RASSF3: variants seen among roughly 807,000 people sequenced by gnomAD.
RASSF3 encodes Ras association domain family member 3, also known as ras association domain-containing protein 3.
In RASSF3, 19 loss-of-function variants were observed where a neutral mutation model predicts 19.9. The observed-to-expected ratio is 0.96, with a 90% CI of 0.67 to 1.40. The LOEUF is 1.40. RASSF3 is among the 40% of genes most tolerant of loss of function. The pLI, the probability that RASSF3 is intolerant of heterozygous loss-of-function variation, is 0.00. For synonymous variants in RASSF3, 110 were observed against 104.2 expected (o/e 1.06, Z -0.34); for missense variants, 306 against 289.8 (o/e 1.06, Z -0.41).
intron 1 of RASSF3, among the ~76,000 whole-genome samples, chr12:64,635,307 C>T (rs997916703): frequency 6.6e-6 from 1 of 152,110 alleles, no homozygotes; most frequent in African/African-American, 2.4e-5. Flanking sequence ...CCCCTCGTAT[C>T]TGTATTCCTG....
intron 2 of RASSF3, among the ~76,000 whole-genome samples, chr12:64,575,020 C>T (rs1869573320): frequency 6.6e-6 from 1 of 152,138 alleles, no homozygotes; most frequent in Non-Finnish European, 1.5e-5. Flanking sequence ...TTGCCTGCTA[C>T]CACTTCTATT....
At position 64,660,208 on chromosome 12, in the gene RASSF3, GT is replaced by G. The variant is rs1341665157; in HGVS notation, c.112-24578del. Among the ~76,000 whole-genome samples, 6 of 152,050 alleles carry G rather than the reference GT, an allele frequency of 3.9e-5. No homozygotes were observed. In the East Asian group the frequency reaches 1.2e-3, roughly 29 times the overall value. On this transcript the variant is annotated intron_variant, in intron 1 of 4. Transcript: ENST00000542104. Reference sequence around the variant, plus strand: ...GCTAGGATTACAAGTGTGAGCTACTGTGCCCATCCTGAAATGCTAATAATTA... The same window carrying G: ...GCTAGGATTACAAGTGTGAGCTACTGGCCCATCCTGAAATGCTAATAATTA...
intron 1 of RASSF3, among the ~76,000 whole-genome samples, chr12:64,668,275 T>C (rs1328097289): frequency 3.9e-5 from 6 of 152,134 alleles, no homozygotes; most frequent in African/African-American, 1.4e-4. Flanking sequence ...CTTCTTCTTT[T>C]TTTTTTTTTC....
chr12:64,627,611 A>G (rs1248585060), intron 1 of RASSF3, among the ~76,000 whole-genome samples: 2 of 152,172 alleles, frequency 1.3e-5, no homozygotes, highest in African/African-American at 4.8e-5. Context: ...TTTTCATCTG[A>G]TCAGACTTGT....
At chr12:64,552,359 G>A (rs1869179234) in intron 2 of RASSF3, among the ~76,000 whole-genome samples, 2 of 151,810 alleles carry the variant, frequency 1.3e-5, no homozygotes, top group Non-Finnish European at 2.9e-5. Flanking sequence ...AGGTACATGT[G>A]CAGGATAAAT....
chr12:64,639,684 C>T (rs916833641), intron 1 of RASSF3, among the ~76,000 whole-genome samples: 3 of 152,154 alleles, frequency 2.0e-5, no homozygotes, highest in Non-Finnish European at 4.4e-5. Flanking sequence ...TTTGTGGTTT[C>T]CAAGATACCT....
chr12:64,557,703 G>A (rs756666354), intron 2 of RASSF3, among the ~76,000 whole-genome samples: 2 of 152,074 alleles, frequency 1.3e-5, no homozygotes, highest in African/African-American at 2.4e-5. Context: ...AGACATCTCT[G>A]ATTTAATGCA....
chr12:64,575,792 A>G (rs565946500), intron 2 of RASSF3: 49 of 151,792 alleles, frequency 3.2e-4, no homozygotes, highest in African/African-American at 1.1e-3. Flanking sequence ...TGATTGGAAG[A>G]CTCCATATGT....
At chr12:64,536,129 G>C (rs1275031074) in intron 1 of RASSF3, among the ~76,000 whole-genome samples, 1 of 151,536 alleles carries the variant, frequency 6.6e-6, no homozygotes, top group Non-Finnish European at 1.5e-5. Flanking sequence ...TACCCGAGTA[G>C]CTGGGACTAT....
intron 1 of RASSF3, among the ~76,000 whole-genome samples, chr12:64,673,931 A>T (rs976030336): frequency 2.0e-5 from 3 of 151,874 alleles, no homozygotes; most frequent in Non-Finnish European, 4.4e-5. Context: ...TGGCTGTTTG[A>T]CTGTTGGCAC....
chr12:64,585,511 C>T (rs2136137544), intron 2 of RASSF3, among the ~76,000 whole-genome samples: 1 of 152,040 alleles, frequency 6.6e-6, no homozygotes, highest in Admixed American at 6.6e-5. Flanking sequence ...GCTCCTAACT[C>T]AGATGCCAAT....
intron 1 of RASSF3, among the ~76,000 whole-genome samples, chr12:64,539,590 A>G (rs959495891): frequency 2.0e-5 from 3 of 152,168 alleles, no homozygotes; most frequent in African/African-American, 7.2e-5. Flanking sequence ...AGCCTAGGCA[A>G]CATGGTGAAA....
At chr12:64,511,351 G>A (rs952077882) in intron 1 of RASSF3, among the ~76,000 whole-genome samples, 2 of 152,148 alleles carry the variant, frequency 1.3e-5, no homozygotes, top group South Asian at 2.1e-4. Flanking sequence ...ACGTGGTGGT[G>A]TGCACCTGTA....
intron 2 of RASSF3, among the ~76,000 whole-genome samples, chr12:64,548,680 G>GTTTA (rs1869109640): frequency 6.6e-6 from 1 of 152,112 alleles, no homozygotes; most frequent in Admixed American, 6.6e-5. Flanking sequence ...CTTCATACCA[G>GTTTA]TTTATACCCT....
At position 64,575,397 on chromosome 12, in the gene RASSF3, C is replaced by CA. The variant is rs1869579474; in HGVS notation, c.294+33698dup. On this transcript the variant is annotated intron_variant, in intron 2 of 5. Transcript: ENST00000637125. ...TCAAACCCCGTCTCTACTAAAAATA[C>CA]AAAAAATTAGCCAGGCGTGGTGGTG... Among the ~76,000 whole-genome samples, 4 of 152,138 alleles carry CA rather than the reference C, an allele frequency of 2.6e-5. No individual in the cohort carries two copies. In the South Asian group the frequency reaches 8.3e-4, roughly 32 times the overall value.
intron 2 of RASSF3, among the ~76,000 whole-genome samples, chr12:64,598,881 CT>C (rs1870040189): frequency 8.8e-6 from 1 of 113,046 alleles, no homozygotes; most frequent in African/African-American, 3.4e-5. Flanking sequence ...AATGCTATCC[CT>C]CCCCCCTCCC....
At chr12:64,544,151 C>T (rs1438646753), downstream of RASSF3, among the ~76,000 whole-genome samples, 1 of 152,158 alleles carries the variant, frequency 6.6e-6, no homozygotes, top group Admixed American at 6.5e-5. Context: ...TTGGGTCACA[C>T]TGCGTTTATG....
chr12:64,688,899 T>G lies in RASSF3; in HGVS notation c.457+446T>G, dbSNP rs150012298. On this transcript the variant is annotated intron_variant, in intron 3 of 4. Transcript: ENST00000542104. ...GATCTTGCGACTGGGGAGGCACATG[T>G]GCATCACAGCACATTTCAGCGTACT... Among the ~76,000 whole-genome samples the G allele has an allele frequency of 1.1e-3, 166 of 152,298 alleles. 1 individual carries two copies. Among genetic ancestry groups the G allele is most frequent in the Admixed American group, 2.5e-3 (38 of 15,288 alleles).
intron 3 of RASSF3, among the ~76,000 whole-genome samples, chr12:64,688,692 G>A (rs1050195943): frequency 6.6e-6 from 1 of 152,046 alleles, no homozygotes; most frequent in Non-Finnish European, 1.5e-5. Context: ...TGGCAGTTAC[G>A]AGTATTTTGT....
Sources: gnomAD v4.1 joint callset for allele counts (sites outside exome capture counted in the v4.1 genomes callset) on GRCh38, gnomAD v4.1.1 for gene constraint, MANE v1.5 for transcripts, NCBI Gene and HGNC (gene_info 2026-07-23, HGNC 2026-07-21) for gene names.